Variants in ZBBX observed in about 807,000 individuals in gnomAD.
The protein encoded by ZBBX is zinc finger B-box domain-containing protein 1.
In ZBBX, 101 loss-of-function variants were observed where a neutral mutation model predicts 108.5. The ratio of observed to expected loss-of-function variants is 0.93; its 90% CI spans 0.79 to 1.10. The LOEUF is 1.10. Ranked by LOEUF, ZBBX falls within the 50% of genes least tolerant of loss-of-function variation. The pLI is 0.00. For missense variants in ZBBX, 1,009 were observed against 941.4 expected, an observed-to-expected ratio of 1.07 and a Z score of -0.94; for synonymous variants, 356 against 323.4, an observed-to-expected ratio of 1.10 and a Z score of -1.08.
intron 10 of ZBBX, among the ~76,000 whole-genome samples, chr3:167,331,210 C>T (rs1738572249): frequency 1.3e-5 from 2 of 151,916 alleles, no homozygotes; most frequent in Admixed American, 1.3e-4. Context: ...ACTGAATGTG[C>T]AGAGGAGGAA....
chr3:167,247,876 C>T (rs762732070), intron 20 of ZBBX, among the ~76,000 whole-genome samples: 5 of 152,196 alleles, frequency 3.3e-5, no homozygotes, highest in South Asian at 2.1e-4. Flanking sequence ...CTCTTTTCTG[C>T]GGGTAAGAAG....
the ZBBX span, among the ~76,000 whole-genome samples, chr3:167,220,961 T>G: frequency 6.6e-6 from 1 of 151,796 alleles, no homozygotes; most frequent in Non-Finnish European, 1.5e-5. Flanking sequence ...GTAATGCTAT[T>G]TACAATAGCT....
the ZBBX span, among the ~76,000 whole-genome samples, chr3:167,182,870 A>G: frequency 0.013 from 2,026 of 152,324 alleles, 22 homozygotes; most frequent in South Asian, 0.026. Context: ...AAAGGCTCAA[A>G]TGTAGCTATA....
the ZBBX span, among the ~76,000 whole-genome samples, chr3:167,192,024 T>C: frequency 6.7e-6 from 1 of 150,136 alleles, no homozygotes; most frequent in African/African-American, 2.4e-5. Context: ...AGTTAGGTTT[T>C]ATCTTTTATC....
At chr3:167,201,446 A>G in the ZBBX span, among the ~76,000 whole-genome samples, 1 of 152,148 alleles carries the variant, frequency 6.6e-6, no homozygotes, top group South Asian at 2.1e-4. Context: ...GAACAGTTAA[A>G]AAGTCAAAGA....
At chr3:167,282,888 G>A (rs1291870882) in intron 19 of ZBBX, among the ~76,000 whole-genome samples, 2 of 151,946 alleles carry the variant, frequency 1.3e-5, no homozygotes, top group Non-Finnish European at 2.9e-5. Context: ...TTAATACCTT[G>A]TAAGAAAAAA....
At chr3:167,230,330 C>A in the ZBBX span, among the ~76,000 whole-genome samples, 1 of 151,840 alleles carries the variant, frequency 6.6e-6, no homozygotes, top group South Asian at 2.1e-4. Context: ...CTTCTCTGTG[C>A]CAAACACCCA....
At chr3:167,321,544 A>G (rs1281968226) in intron 12 of ZBBX, among the ~76,000 whole-genome samples, 1 of 152,016 alleles carries the variant, frequency 6.6e-6, no homozygotes, top group Non-Finnish European at 1.5e-5. Flanking sequence ...AAAAAAGACC[A>G]GAGACCAGCC....
At chr3:167,287,882 G>T (rs1314219992) in intron 19 of ZBBX, among the ~76,000 whole-genome samples, 2 of 152,054 alleles carry the variant, frequency 1.3e-5, no homozygotes, top group African/African-American at 4.8e-5. Flanking sequence ...ACATGGAAAG[G>T]ATCTAAGATA....
At chr3:167,348,498 T>C (rs1041412693) in intron 9 of ZBBX, among the ~76,000 whole-genome samples, 34 of 150,818 alleles carry the variant, frequency 2.3e-4, no homozygotes, top group Admixed American at 1.6e-3. Context: ...AGAGAGGAAA[T>C]TGTGATGTAA....
chr3:167,398,610 C>T (rs952160477), intron 1 of ZBBX, among the ~76,000 whole-genome samples: 4 of 151,880 alleles, frequency 2.6e-5, no homozygotes, highest in African/African-American at 9.7e-5. Context: ...TTATCACTAA[C>T]TGGTTGGATT....
intron 6 of ZBBX, among the ~76,000 whole-genome samples, chr3:167,361,703 A>T (rs1744535931): frequency 6.6e-6 from 1 of 152,224 alleles, no homozygotes; most frequent in African/African-American, 2.4e-5. Flanking sequence ...GATTGAAATC[A>T]TCAATTTTTC....
intron 2 of ZBBX, among the ~76,000 whole-genome samples, chr3:167,378,040 TGAA>T (rs1373550837): frequency 6.6e-6 from 1 of 152,202 alleles, no homozygotes; most frequent in Non-Finnish European, 1.5e-5. Context: ...TGCCACCATG[TGAA>T]GAAGGATGTG....
intron 1 of ZBBX, among the ~76,000 whole-genome samples, chr3:167,399,159 C>G (rs552332431): frequency 6.6e-6 from 1 of 152,110 alleles, no homozygotes; most frequent in South Asian, 2.1e-4. Context: ...CACTCATGCA[C>G]TCACTCATTC....
intron 1 of ZBBX, among the ~76,000 whole-genome samples, chr3:167,388,675 C>G (rs1403537091): frequency 2.6e-5 from 4 of 151,948 alleles, no homozygotes; most frequent in Non-Finnish European, 5.9e-5. Context: ...TAGTTGTGTC[C>G]AGAGGGTAAA....
intron 4 of ZBBX, among the ~76,000 whole-genome samples, chr3:167,370,247 T>C (rs1172147290): frequency 6.6e-6 from 1 of 152,102 alleles, no homozygotes; most frequent in Non-Finnish European, 1.5e-5. Flanking sequence ...ATGGAGCTTT[T>C]GAGAAATTTA....
At chr3:167,181,852 G>T in the ZBBX span, among the ~76,000 whole-genome samples, 1 of 152,168 alleles carries the variant, frequency 6.6e-6, no homozygotes, top group Non-Finnish European at 1.5e-5. Flanking sequence ...GCTGGCAAGG[G>T]TCTATAGACT....
intron 18 of ZBBX, among the ~76,000 whole-genome samples, chr3:167,296,600 G>A (rs752617220): frequency 1.3e-5 from 2 of 151,744 alleles, no homozygotes; most frequent in African/African-American, 2.4e-5. Context: ...ATCGGAAAAG[G>A]AAATTAAAGA....
At position 167,360,750 on chromosome 3, in the gene ZBBX, G is replaced by A. The variant is rs192850638; in HGVS notation, c.274-27C>T. On this transcript the variant is annotated intron_variant, in intron 6 of 21. Coordinates refer to ENST00000675490, the MANE Select transcript of ZBBX (RefSeq NM_001199201.2). ...TGTATTAATAAAATAGATACTATTT[G>A]TCAGGTATATATTATCTTATTCAAC... The A allele has an allele frequency of 1.4e-4, 190 of 1,346,188 alleles. No individual in the cohort carries two copies. The East Asian group carries it at 3.9e-3, about 27-fold the overall frequency. 83.4% of individuals were successfully genotyped at this position (1,346,188 alleles called of 1,614,324 possible).
Sources: gnomAD v4.1 joint callset for allele counts (sites outside exome capture counted in the v4.1 genomes callset) on GRCh38, gnomAD v4.1.1 for gene constraint, MANE v1.5 for transcripts, NCBI Gene and HGNC (gene_info 2026-07-23, HGNC 2026-07-21) for gene names.